Variants in SORCS2 observed in about 807,000 individuals in gnomAD.
The protein encoded by SORCS2 is VPS10 domain-containing receptor SorCS2.
SORCS2 carries 100 observed loss-of-function variants against 141.6 expected under a neutral mutation model. That is an observed-to-expected ratio of 0.71 (90% CI 0.60 to 0.83). SORCS2 has a LOEUF of 0.83. Among genes scored for constraint, SORCS2 ranks in the 40% least tolerant of loss-of-function variants. SORCS2 has a pLI of 0.00. For synonymous variants in SORCS2, 789 were observed against 676.9 expected (o/e 1.17, Z -2.57); for missense variants, 1,646 against 1,560.2 (o/e 1.05, Z -0.93).
At chr4:7,431,327 GC>G (rs1205728013) in intron 2 of SORCS2, 1 of 152,386 alleles carries the variant, frequency 6.6e-6, no homozygotes, top group African/African-American at 2.4e-5. Flanking sequence ...TGGGGTGGGG[GC>G]AGGTGGGCTG....
rs1304956097 is a variant in SORCS2, at chr4:7,543,769, C to T, written c.648+12140C>T. 1.1e-4 allele frequency among the ~76,000 whole-genome samples: 12 copies of T among 112,230 alleles called. 2 individuals are homozygous for T. The highest frequency in any genetic ancestry group is 4.4e-4 in the African/African-American group (12 of 27,330). 73.6% of individuals were successfully genotyped at this position (112,230 alleles called of 152,430 possible). ...CCATCCACCCATCCACCCACCCATC[C>T]GTCCATCCATCCACTCATCCATCCA... On this transcript the variant is annotated intron_variant, in intron 3 of 26. Transcript: ENST00000507866.
rs1445777732 is a variant in SORCS2 at position 7,663,422 on chromosome 4, G to T, written c.953-931G>T. 6.6e-6 allele frequency among the ~76,000 whole-genome samples: 1 copy of T among 152,222 alleles called. No individual in the cohort carries two copies. Among genetic ancestry groups the T allele is most frequent in the South Asian group, 2.1e-4 (1 of 4,828 alleles). ...ATTTCACTGCATCTCCAGCCAGGCA[G>T]CCCCACTGCAGGAAGTTCAGTGGTT... On this transcript the variant is annotated intron_variant, in intron 6 of 26. Coordinates refer to ENST00000507866, the MANE Select transcript of SORCS2 (RefSeq NM_020777.3). The surrounding 1 kb of genome is among the most constrained non-coding windows in gnomAD (Gnocchi z 4.8).
At chr4:7,465,553 G>C (rs1729564307) in intron 2 of SORCS2, among the ~76,000 whole-genome samples, 1 of 152,080 alleles carries the variant, frequency 6.6e-6, no homozygotes, top group African/African-American at 2.4e-5. Context: ...ATAGTAATGT[G>C]TGTCCCCCTC....
chr4:7,228,221 TCTC>T (rs1187156759), intron 1 of SORCS2, among the ~76,000 whole-genome samples: 4 of 152,130 alleles, frequency 2.6e-5, no homozygotes, highest in Admixed American at 6.5e-5. Context: ...TGTGTCCTAA[TCTC>T]CTCTTCCTGT....
intron 19 of SORCS2, among the ~76,000 whole-genome samples, chr4:7,724,133 G>GTGATGGTGATGGTGGTGATGGTGGTGA: frequency 7.0e-6 from 1 of 142,182 alleles, no homozygotes; most frequent in South Asian, 2.1e-4. Flanking sequence ...GGTGGTGGTG[G>GTGATGGTGATGGTGGTGATGGTGGTGA]TGGTGGTGAT....
chr4:7,673,774 C>A (rs1431312288), intron 8 of SORCS2, among the ~76,000 whole-genome samples: 3 of 152,136 alleles, frequency 2.0e-5, no homozygotes, highest in Non-Finnish European at 4.4e-5. Context: ...TTGCTGCAAT[C>A]GCTGTAAATA....
At chr4:7,446,317 G>C (rs1727999116) in intron 2 of SORCS2, among the ~76,000 whole-genome samples, 1 of 152,226 alleles carries the variant, frequency 6.6e-6, no homozygotes, top group Non-Finnish European at 1.5e-5. Context: ...GCTGTGGGTG[G>C]CTTTCAGCAC....
intron 5 of SORCS2, among the ~76,000 whole-genome samples, chr4:7,660,591 G>A (rs1378300389): frequency 1.3e-5 from 2 of 152,204 alleles, no homozygotes; most frequent in African/African-American, 2.4e-5. Flanking sequence ...CAGTGTGTGC[G>A]GTCTGAGGAG....
intron 11 of SORCS2, among the ~76,000 whole-genome samples, chr4:7,693,959 C>T (rs1265849212): frequency 2.6e-5 from 4 of 152,308 alleles, no homozygotes; most frequent in South Asian, 2.1e-4. Context: ...GATGGGAGCA[C>T]CGGCGGAACC....
intron 3 of SORCS2, among the ~76,000 whole-genome samples, chr4:7,634,287 C>T (rs753192498): frequency 4.0e-5 from 6 of 151,860 alleles, no homozygotes; most frequent in Non-Finnish European, 8.8e-5. Context: ...GGCAAAGAAT[C>T]ACTTGAACTT....
At chr4:7,527,440 G>C (rs1733765243) in intron 2 of SORCS2, among the ~76,000 whole-genome samples, 1 of 152,254 alleles carries the variant, frequency 6.6e-6, no homozygotes, top group Non-Finnish European at 1.5e-5. Flanking sequence ...ACGGGAAGCA[G>C]AGTGGAGCGA....
chr4:7,456,064 GC>G (rs1236867798), intron 2 of SORCS2, among the ~76,000 whole-genome samples: 1 of 152,152 alleles, frequency 6.6e-6, no homozygotes, highest in Non-Finnish European at 1.5e-5. Flanking sequence ...CTTGCAGATG[GC>G]CGCTATCTCC....
chr4:7,433,433 C>A, intron 2 of SORCS2: 1 of 1,529,062 alleles, frequency 6.5e-7, no homozygotes, highest in East Asian at 2.3e-5. Flanking sequence ...GGGCCCAGGG[C>A]ACACTGGTCG....
At chr4:7,326,785 G>C (rs950965596) in intron 1 of SORCS2, among the ~76,000 whole-genome samples, 1 of 151,834 alleles carries the variant, frequency 6.6e-6, no homozygotes, top group Admixed American at 6.6e-5. Flanking sequence ...GGCCAGCCAA[G>C]CTTCCGCAGG....
chr4:7,732,636 T>G (rs1711796108), intron 23 of SORCS2, among the ~76,000 whole-genome samples: 1 of 152,106 alleles, frequency 6.6e-6, no homozygotes, highest in South Asian at 2.1e-4. Context: ...CATTCTCTTC[T>G]TGGTCTTCCG....
At chr4:7,331,216 G>A (rs1346728311) in intron 1 of SORCS2, among the ~76,000 whole-genome samples, 1 of 152,176 alleles carries the variant, frequency 6.6e-6, no homozygotes, top group East Asian at 1.9e-4. Context: ...TTTTCCGTGG[G>A]CTGGAGACTG....
intron 26 of SORCS2, among the ~76,000 whole-genome samples, chr4:7,737,391 G>A (rs1004311927): frequency 6.6e-6 from 1 of 152,074 alleles, no homozygotes. Context: ...GATGAAATCT[G>A]AGACATGTGG....
intron 1 of SORCS2, among the ~76,000 whole-genome samples, chr4:7,258,001 C>A (rs753934286): frequency 2.6e-5 from 4 of 152,230 alleles, no homozygotes; most frequent in African/African-American, 4.8e-5. Flanking sequence ...CAGCTCTCAC[C>A]CGCCCAGGTA....
intron 2 of SORCS2, among the ~76,000 whole-genome samples, chr4:7,500,196 C>T (rs941717992): frequency 7.9e-5 from 12 of 152,098 alleles, no homozygotes; most frequent in African/African-American, 1.9e-4. Context: ...CCTCCACTCT[C>T]GGTCCCCTGC....
Sources: gnomAD v4.1 joint callset for allele counts (sites outside exome capture counted in the v4.1 genomes callset) on GRCh38, gnomAD v4.1.1 for gene constraint, Gnocchi (gnomAD v3.1) non-coding constraint, MANE v1.5 for transcripts, NCBI Gene and HGNC (gene_info 2026-07-23, HGNC 2026-07-21) for gene names.